Variants in NWD1 observed in about 807,000 individuals in gnomAD.
NWD1 encodes the protein NACHT domain- and WD repeat-containing protein 1.
In NWD1, 129 loss-of-function variants were observed where a neutral mutation model predicts 135.1. The ratio of observed to expected loss-of-function variants is 0.96; its 90% CI spans 0.83 to 1.11. NWD1 has a LOEUF of 1.11. Among genes scored for constraint, NWD1 ranks in the 50% least tolerant of loss-of-function variants. The probability of loss-of-function intolerance (pLI) is 0.00; values close to 1 mark genes in which losing one functional copy is unlikely to be tolerated. For synonymous variants in NWD1, 773 were observed against 786.0 expected, an observed-to-expected ratio of 0.98 and a Z score of 0.28; for missense variants, 1,740 against 1,851.3, an observed-to-expected ratio of 0.94 and a Z score of 1.10.
intron 4 of NWD1, among the ~76,000 whole-genome samples, chr19:16,738,768 GATATATAATATATA>G (rs79123183): frequency 0.31 from 40,298 of 131,052 alleles, 6,454 homozygotes; most frequent in Middle Eastern, 0.5. Context: ...ATAATATAAT[GATATATAATATATA>G]ATATATAATA....
chr19:16,784,948 A>G (rs928402990), intron 12 of NWD1, among the ~76,000 whole-genome samples: 1 of 151,678 alleles, frequency 6.6e-6, no homozygotes, highest in Non-Finnish European at 1.5e-5. Flanking sequence ...AAAAAACAAC[A>G]AAACAACAAC....
chr19:16,791,429 C>T lies in NWD1; in HGVS notation c.3020C>T (p.Ala1007Val), dbSNP rs866100367. 5.0e-6 allele frequency: 8 copies of T among 1,613,942 alleles called. No homozygotes were observed. Among genetic ancestry groups the T allele is most frequent in the Admixed American group, 1.7e-5 (1 of 59,984 alleles). ...GDASDPWMCM[A>V]VLASQATLLT... The stretch of plus-strand genomic sequence containing the variant: ...GCCTCTGATCCTTGGATGTGCATGG[C>T]CGTGCTGGCCTCCCAGGCCACACTG... Residue 1007 changes from alanine (A) to valine (V), a missense_variant, in exon 14 of 19, where the codon GCC (alanine) becomes GTC (valine). By Grantham distance (64) the Ala-to-Val change is moderately conservative (BLOSUM62 0). Coordinates refer to ENST00000524140, the MANE Select transcript of NWD1 (RefSeq NM_001007525.5).
At chr19:16,743,119 A>G (rs1968154983) in intron 4 of NWD1, among the ~76,000 whole-genome samples, 1 of 151,678 alleles carries the variant, frequency 6.6e-6, no homozygotes, top group Non-Finnish European at 1.5e-5. Context: ...TGTTGGCCAG[A>G]CTGGTCTCGA....
At chr19:16,809,668 C>A (rs1326751069) in intron 18 of NWD1, among the ~76,000 whole-genome samples, 3 of 151,424 alleles carry the variant, frequency 2.0e-5, no homozygotes, top group African/African-American at 7.3e-5. Flanking sequence ...CATTCTCCTG[C>A]CTCAGCCTCC....
In NWD1 at chr19:16,759,386, G is replaced by C; in HGVS notation, c.1931G>C (p.Arg644Pro). ...CGGGATCTGGGATACTACTTGGCCC[G>C]GCGGCCCGTGGATGGCTTCACCCTC... Reference protein sequence around the residue: ...LRRDLGYYLARRPVDGFTLLA... With the variant: ...LRRDLGYYLAPRPVDGFTLLA... The change falls in exon 7 of 19, where the codon CGG becomes CCG. Residue 644 changes from arginine to proline, a missense_variant. Physicochemically the swap from Arg to Pro is moderately radical, Grantham distance 103. Coordinates refer to ENST00000524140, the MANE Select transcript of NWD1 (RefSeq NM_001007525.5). 1 of 1,595,302 alleles carries C rather than the reference G, an allele frequency of 6.3e-7. No homozygotes were observed. The highest frequency in any genetic ancestry group is 8.5e-7 in the Non-Finnish European group (1 of 1,172,320).
intron 8 of NWD1, 88 bp downstream of exon 8, chr19:16,762,226 A>G: frequency 8.1e-7 from 1 of 1,228,436 alleles, no homozygotes; most frequent in Non-Finnish European, 1.2e-6. Flanking sequence ...TTTGCACTCG[A>G]AATGTCCTCC....
intron 3 of NWD1, among the ~76,000 whole-genome samples, chr19:16,735,806 GAA>G (rs2122721707): frequency 2.2e-5 from 1 of 46,458 alleles, no homozygotes; most frequent in African/African-American, 1.7e-4. Context: ...AGGAAGGAAG[GAA>G]GGAAGGAAGG....
chr19:16,782,409 T>A (rs538934574), intron 12 of NWD1, among the ~76,000 whole-genome samples: 2 of 151,354 alleles, frequency 1.3e-5, no homozygotes, highest in Non-Finnish European at 2.9e-5. Context: ...GAGGCTGCAG[T>A]GAGCCATGTT....
chr19:16,811,588 A>C (rs1302124557), intron 18 of NWD1, among the ~76,000 whole-genome samples: 2 of 145,604 alleles, frequency 1.4e-5, no homozygotes, highest in African/African-American at 5.3e-5. Flanking sequence ...CTGTCTCAGA[A>C]AAAAAAAAAA....
Position 16,750,184 on chromosome 19 carries a change from G to A in NWD1, c.1542G>A (p.Thr514=), listed in dbSNP as rs747043480. ...TCCTGCTGGCAGCTGCAAGGAGGAC[G>A]CTGAGCCCGGTGCACACAGATTTGC... The part of the protein sequence containing the change: ...IQLLLAAARR[T]LSPVHTDLLW... The change falls in exon 6 of 19, where the codon ACG becomes ACA. Residue 514 remains threonine, a synonymous_variant. Coordinates refer to ENST00000524140, the MANE Select transcript of NWD1 (RefSeq NM_001007525.5). The A allele has an allele frequency of 4.3e-6, 7 of 1,613,246 alleles. No individual in the cohort carries two copies. In the Admixed American group the frequency reaches 5.0e-5, roughly 12 times the overall value.
intron 18 of NWD1, among the ~76,000 whole-genome samples, chr19:16,813,877 T>C (rs1206596803): frequency 6.6e-6 from 1 of 151,620 alleles, no homozygotes; most frequent in Non-Finnish European, 1.5e-5. Context: ...ACTGGCTGGG[T>C]GCAGTGGCTC....
At chr19:16,809,454 A>G (rs1457555481) in intron 18 of NWD1, among the ~76,000 whole-genome samples, 3 of 152,078 alleles carry the variant, frequency 2.0e-5, no homozygotes, top group Admixed American at 6.6e-5. Context: ...TCTCAACATT[A>G]TAGGTAAAAA....
At position 16,795,397 on chromosome 19, in the gene NWD1, T is replaced by C. The variant is rs79559269; in HGVS notation, c.3304+844T>C. Among the ~76,000 whole-genome samples the C allele has an allele frequency of 4.4e-4, 66 of 151,502 alleles. No homozygotes were observed. The East Asian group carries it at 0.012, about 28-fold the overall frequency. ...CGACCCTGAAGCCCCAGAGGGGGTG[T>C]TACAGTGTGCTAATTACCTTTTTTT... On this transcript the variant is annotated intron_variant, in intron 15 of 18. Coordinates refer to ENST00000524140, the MANE Select transcript of NWD1 (RefSeq NM_001007525.5).
intron 14 of NWD1, among the ~76,000 whole-genome samples, chr19:16,792,037 G>A (rs1414648044): frequency 6.6e-6 from 1 of 152,130 alleles, no homozygotes; most frequent in African/African-American, 2.4e-5. Flanking sequence ...CTTAATCGTA[G>A]GGATTTGCAG....
intron 18 of NWD1, among the ~76,000 whole-genome samples, chr19:16,811,694 C>T (rs1970929852): frequency 6.6e-6 from 1 of 152,012 alleles, no homozygotes; most frequent in Non-Finnish European, 1.5e-5. Context: ...CCTTTCTATC[C>T]AATCTCTATG....
intron 10 of NWD1, among the ~76,000 whole-genome samples, chr19:16,771,946 C>A (rs998177957): frequency 6.6e-6 from 1 of 151,670 alleles, no homozygotes; most frequent in Non-Finnish European, 1.5e-5. Context: ...CAGGCCTGCG[C>A]GCCACCATGC....
intron 6 of NWD1, among the ~76,000 whole-genome samples, chr19:16,756,731 A>C (rs1037247895): frequency 5.9e-5 from 9 of 152,070 alleles, no homozygotes; most frequent in Admixed American, 4.6e-4. Context: ...CAGTACCGGT[A>C]CTGCTCCGTG....
chr19:16,796,605 G>A (rs73521299), intron 15 of NWD1, among the ~76,000 whole-genome samples: 6,346 of 152,148 alleles, frequency 0.042, 438 homozygotes, highest in African/African-American at 0.14. Context: ...GCCTCCTGCC[G>A]CTATCCCTTC....
chr19:16,796,280 G>A (rs568195328), intron 15 of NWD1, among the ~76,000 whole-genome samples: 2 of 152,140 alleles, frequency 1.3e-5, no homozygotes, highest in East Asian at 3.9e-4. Context: ...TGATGATCAT[G>A]GTGAAACCCT....
Sources: allele counts gnomAD v4.1 joint callset (sites outside exome capture counted in the v4.1 genomes callset), GRCh38; gene constraint gnomAD v4.1.1; transcripts MANE v1.5; gene names NCBI Gene and HGNC (gene_info 2026-07-23, HGNC 2026-07-21).